The following STXBP5L variants were observed in gnomAD, a reference collection of about 807,000 sequenced individuals.
The protein encoded by STXBP5L is syntaxin binding protein 5L.
STXBP5L carries 65 observed loss-of-function variants against 144.5 expected under a neutral mutation model. The observed-to-expected ratio is 0.45, with a 90% CI of 0.37 to 0.55. The LOEUF is 0.55. STXBP5L is among the 20% of genes least tolerant of loss of function. The pLI is 0.00. For synonymous variants in STXBP5L, 505 were observed against 469.6 expected, an observed-to-expected ratio of 1.08 and a Z score of -0.97; for missense variants, 1,298 against 1,405.5, an observed-to-expected ratio of 0.92 and a Z score of 1.22.
chr3:121,357,494 C>T (rs369785450), intron 20 of STXBP5L: 37 of 152,370 alleles, frequency 2.4e-4, no homozygotes, highest in African/African-American at 8.9e-4. Context: ...TGCCATGGGA[C>T]AGCAAGATGC....
intron 7 of STXBP5L, among the ~76,000 whole-genome samples, chr3:121,128,014 C>A (rs2107881369): frequency 6.6e-6 from 1 of 152,162 alleles, no homozygotes. Flanking sequence ...CACAGCCTAA[C>A]ACAGAAGCAT....
intron 18 of STXBP5L, among the ~76,000 whole-genome samples, chr3:121,274,324 T>C (rs2108427397): frequency 6.6e-6 from 1 of 152,348 alleles, no homozygotes; most frequent in South Asian, 2.1e-4. Flanking sequence ...CAATGCAGTT[T>C]AATCAGCCGA....
chr3:121,303,759 T>G (rs971439029), intron 19 of STXBP5L, among the ~76,000 whole-genome samples: 2 of 152,102 alleles, frequency 1.3e-5, no homozygotes, highest in Non-Finnish European at 2.9e-5. Context: ...ACCATCATTC[T>G]CAGCAAACTA....
chr3:121,093,153 G>T (rs1234767772), intron 5 of STXBP5L, among the ~76,000 whole-genome samples: 1 of 152,190 alleles, frequency 6.6e-6, no homozygotes, highest in East Asian at 1.9e-4. Flanking sequence ...GCTTTTTAAT[G>T]TGCTGCTGGA....
chr3:121,332,031 C>T (rs1454083257), intron 20 of STXBP5L, among the ~76,000 whole-genome samples: 1 of 135,578 alleles, frequency 7.4e-6, no homozygotes, highest in African/African-American at 2.7e-5. Context: ...AATTAGGTTA[C>T]AAAAACTGTA....
chr3:121,360,673 T>A (rs975649579), intron 20 of STXBP5L, among the ~76,000 whole-genome samples: 1 of 152,130 alleles, frequency 6.6e-6, no homozygotes, highest in Admixed American at 6.6e-5. Flanking sequence ...AAAATAAAAC[T>A]AATAAAAACT....
chr3:121,041,931 A>G (rs988729888), intron 4 of STXBP5L, 150 bp downstream of exon 4: 13 of 555,920 alleles, frequency 2.3e-5, no homozygotes, highest in Non-Finnish European at 4.1e-5. Flanking sequence ...AAAAGACTGT[A>G]CTCCTGTATT....
intron 9 of STXBP5L, among the ~76,000 whole-genome samples, chr3:121,159,508 A>G (rs2046237943): frequency 6.6e-6 from 1 of 152,062 alleles, no homozygotes; most frequent in South Asian, 2.1e-4. Flanking sequence ...GGATTTTAAA[A>G]TTGTAGCCAG....
intron 3 of STXBP5L, among the ~76,000 whole-genome samples, chr3:121,025,541 G>T (rs1425983556): frequency 1.3e-5 from 2 of 151,972 alleles, no homozygotes; most frequent in African/African-American, 4.8e-5. Context: ...AGACTTTCCA[G>T]TTTACTAAAG....
intron 20 of STXBP5L, among the ~76,000 whole-genome samples, chr3:121,370,578 C>A (rs1157386907): frequency 2.0e-5 from 3 of 152,312 alleles, no homozygotes; most frequent in African/African-American, 7.2e-5. Flanking sequence ...TGGACTAATA[C>A]AGATGATATC....
intron 19 of STXBP5L, among the ~76,000 whole-genome samples, chr3:121,296,286 G>A (rs2051645731): frequency 6.6e-6 from 1 of 152,134 alleles, no homozygotes; most frequent in African/African-American, 2.4e-5. Context: ...TGTACCCTGA[G>A]TACTTTAGTA....
At chr3:121,084,900 C>A (rs2042416720) in intron 5 of STXBP5L, among the ~76,000 whole-genome samples, 1 of 152,094 alleles carries the variant, frequency 6.6e-6, no homozygotes. Flanking sequence ...TTTTAATGGT[C>A]ATCATTCTGA....
At chr3:121,235,002 A>ATTT (rs200616249) in intron 12 of STXBP5L, among the ~76,000 whole-genome samples, 1 of 151,090 alleles carries the variant, frequency 6.6e-6, no homozygotes, top group Non-Finnish European at 1.5e-5. Context: ...ATATATATAT[A>ATTT]TTTTTTTATT....
At chr3:121,381,114 A>G (rs181490006) in intron 21 of STXBP5L, among the ~76,000 whole-genome samples, 179 bp from the exon 22 acceptor site, 3 of 152,134 alleles carry the variant, frequency 2.0e-5, no homozygotes, top group Non-Finnish European at 2.9e-5. Flanking sequence ...ATACTTCTAG[A>G]CTTCAGTTTC....
At chr3:121,071,265 C>T (rs1468708117) in intron 5 of STXBP5L, among the ~76,000 whole-genome samples, 1 of 152,224 alleles carries the variant, frequency 6.6e-6, no homozygotes, top group South Asian at 2.1e-4. Context: ...TACAAGTAAA[C>T]ATATAACTAT....
At chr3:121,109,877 A>G (rs2043898532) in intron 5 of STXBP5L, among the ~76,000 whole-genome samples, 1 of 152,182 alleles carries the variant, frequency 6.6e-6, no homozygotes, top group Non-Finnish European at 1.5e-5. Context: ...AACTTGTTTT[A>G]TAAATTTCGT....
chr3:121,043,493 G>A (rs180716072), intron 4 of STXBP5L, among the ~76,000 whole-genome samples: 3 of 152,152 alleles, frequency 2.0e-5, no homozygotes, highest in Admixed American at 1.3e-4. Flanking sequence ...GGTGGATCAC[G>A]AGGTCAAGAG....
chr3:121,139,266 ATATT>A (rs1383989156), intron 7 of STXBP5L, among the ~76,000 whole-genome samples: 5 of 152,202 alleles, frequency 3.3e-5, no homozygotes, highest in African/African-American at 1.2e-4. Flanking sequence ...TAAATGATGA[ATATT>A]TAAGGTGATG....
chr3:120,984,837 C>T (rs548895359), intron 3 of STXBP5L, among the ~76,000 whole-genome samples: 1 of 151,712 alleles, frequency 6.6e-6, no homozygotes, highest in Non-Finnish European at 1.5e-5. Flanking sequence ...AGTTAGTTTC[C>T]TTTTCTTCCT....
Sources: gnomAD v4.1 joint callset for allele counts (sites outside exome capture counted in the v4.1 genomes callset) on GRCh38, gnomAD v4.1.1 for gene constraint, MANE v1.5 for transcripts, NCBI Gene and HGNC (gene_info 2026-07-23, HGNC 2026-07-21) for gene names.